TMEM100: variants seen among roughly 807,000 people sequenced by gnomAD.
The protein encoded by TMEM100 is transmembrane protein 100.
For missense variants in TMEM100, 137 were observed against 168.2 expected, an observed-to-expected ratio of 0.81 and a Z score of 1.02; for synonymous variants, 61 against 67.1, an observed-to-expected ratio of 0.91 and a Z score of 0.44.
At chr17:55,726,685 T>C (rs533507632), upstream of TMEM100, among the ~76,000 whole-genome samples, 1 of 152,290 alleles carries the variant, frequency 6.6e-6, no homozygotes, top group East Asian at 1.9e-4. Flanking sequence ...CCAGTCCAAT[T>C]GGATGCAGGG....
Position 55,720,824 on chromosome 17 carries a change from A to G in TMEM100, c.247T>C (p.Ser83Pro). ...ACCAGGCCAAAGATGGAGATAATAG[A>G]CCCATGGGAATTGAAGCTGTAAGCC... The part of the protein sequence containing the change: ...AVAYSFNSHG[S>P]IISIFGLVVL... The change falls in exon 2 of 2, where the codon TCT becomes CCT. Residue 83 changes from serine to proline, a missense_variant. Physicochemically the swap from Ser to Pro is moderately conservative, Grantham distance 74. Transcript: ENST00000424486. 6.2e-7 allele frequency: 1 copy of G among 1,614,082 alleles called. No homozygotes were observed. The highest frequency in any genetic ancestry group is 8.5e-7 in the Non-Finnish European group (1 of 1,180,016).
chr17:55,727,822 A>T (rs1038313542), upstream of TMEM100: 21 of 152,332 alleles, frequency 1.4e-4, no homozygotes, highest in African/African-American at 5.1e-4. Context: ...GCCTTGTCTC[A>T]GTTAGGTAGC....
chr17:55,731,493 T>G (rs2144875535), intron 1 of TMEM100, among the ~76,000 whole-genome samples: 1 of 152,310 alleles, frequency 6.6e-6, no homozygotes, highest in South Asian at 2.1e-4. Context: ...CTGTAGATAC[T>G]TCATTATTCT....
rs187541968 is a variant in TMEM100 at position 55,729,821 on chromosome 17, A to G, written c.-358-1839T>C. Among the ~76,000 whole-genome samples, 46 of 152,330 alleles carry G rather than the reference A, an allele frequency of 3.0e-4. 1 individual carries two copies. In the South Asian group the frequency reaches 3.3e-3, roughly 11 times the overall value. ...TTTTAAATTGCTTGAAAATAAGAAC[A>G]TAACTATGCAATTCTTTTTTACAGT... On this transcript the variant is annotated intron_variant, in intron 1 of 3. Coordinates refer to the TMEM100 transcript ENST00000575734.
exon 1 of TMEM100, chr17:55,731,841 A>G (rs930862631): frequency 6.6e-6 from 1 of 152,242 alleles, no homozygotes; most frequent in Non-Finnish European, 1.5e-5. Context: ...AGTAAGGAGC[A>G]TGGGGTGTCC....
intron 1 of TMEM100, among the ~76,000 whole-genome samples, chr17:55,728,893 G>A (rs555453769): frequency 4.4e-4 from 67 of 152,334 alleles, no homozygotes; most frequent in African/African-American, 1.6e-3. Flanking sequence ...ATGATTCTAG[G>A]TGGAAGAAAC....
chr17:55,726,187 C>T (rs1374793868), upstream of TMEM100, among the ~76,000 whole-genome samples: 2 of 152,124 alleles, frequency 1.3e-5, no homozygotes, highest in African/African-American at 4.8e-5. Flanking sequence ...TCCGAGGTGA[C>T]CTTCCACCAA....
rs1908839009 is a variant in TMEM100 at position 55,720,623 on chromosome 17, G to A, written c.*43C>T. ...GGGTGAATTGGGTGACAAAGTCAGA[G>A]CACGTTTTCCAGGCCCAATGGCCCA... On this transcript the variant is annotated 3_prime_UTR_variant, in exon 2 of 2. Coordinates refer to ENST00000424486, the MANE Select transcript of TMEM100 (RefSeq NM_018286.3). The A allele has an allele frequency of 6.5e-6, 10 of 1,548,534 alleles. No individual in the cohort carries two copies. In the South Asian group the frequency reaches 1.1e-4, roughly 18 times the overall value.
intron 1 of TMEM100, among the ~76,000 whole-genome samples, chr17:55,731,045 G>T (rs1909193617): frequency 6.6e-6 from 1 of 152,172 alleles, no homozygotes; most frequent in Non-Finnish European, 1.5e-5. Context: ...ACACAGAAGG[G>T]CACCGAGTCT....
In TMEM100 at chr17:55,727,983, C is replaced by T. The variant is rs1345153988; in HGVS notation, c.-358-1G>A. ...TTTCACAAGTCACTTTTTAATTTTG[C>T]TGAGAAAGAAATGGGGAGGGAAAAA... On this transcript the variant is annotated splice_acceptor_variant, in intron 1 of 3. Coordinates refer to the TMEM100 transcript ENST00000575734. LOFTEE classifies it low-confidence loss of function (5UTR_SPLICE). The T allele has an allele frequency of 1.3e-5, 2 of 152,106 alleles. No homozygotes were observed. The highest frequency in any genetic ancestry group is 2.9e-5 in the Non-Finnish European group (2 of 68,030). The allele number at this position is 152,106 out of a possible 1,614,324, so 9.4% of individuals were successfully genotyped here.
rs1908801755 is a variant in TMEM100 at position 55,719,800 on chromosome 17, A to G, written c.*866T>C. The stretch of plus-strand genomic sequence containing the variant: ...AAAAACAAAAATCCTCCAGTAAAGA[A>G]GGAACCTGTCCATTTGAGAGAAATA... On this transcript the variant is annotated 3_prime_UTR_variant, in exon 2 of 2. Transcript: ENST00000424486. 6.6e-6 allele frequency: 1 copy of G among 152,640 alleles called. No homozygotes were observed. Among genetic ancestry groups the G allele is most frequent in the Non-Finnish European group, 1.5e-5 (1 of 68,040 alleles). 9.5% of individuals were successfully genotyped at this position (152,640 alleles called of 1,614,324 possible). A position where few individuals can be genotyped will look rare whatever the true frequency, so the allele number is the denominator to read the frequency against.
upstream of TMEM100, among the ~76,000 whole-genome samples, chr17:55,726,027 A>T (rs1909063069): frequency 6.6e-6 from 1 of 152,160 alleles, no homozygotes; most frequent in Non-Finnish European, 1.5e-5. Flanking sequence ...TAATAAAAGG[A>T]GTACAAGGAA....
chr17:55,726,156 G>A (rs1470524084), upstream of TMEM100, among the ~76,000 whole-genome samples: 5 of 152,136 alleles, frequency 3.3e-5, no homozygotes, highest in South Asian at 1.0e-3. Context: ...TAGAAATTAT[G>A]TTATACTGAA....
At chr17:55,726,321 G>A (rs1466174464), upstream of TMEM100, among the ~76,000 whole-genome samples, 2 of 152,094 alleles carry the variant, frequency 1.3e-5, no homozygotes, top group African/African-American at 4.8e-5. Context: ...GGGGAGAGGG[G>A]TCTGGGAGTG....
At chr17:55,723,384 A>T (rs903998325), upstream of TMEM100, among the ~76,000 whole-genome samples, 2 of 152,148 alleles carry the variant, frequency 1.3e-5, no homozygotes, top group Non-Finnish European at 2.9e-5. Flanking sequence ...TTCATTTAGG[A>T]ATGAGGGTGG....
chr17:55,727,607 A>G (rs994640486), upstream of TMEM100, among the ~76,000 whole-genome samples: 2 of 152,218 alleles, frequency 1.3e-5, no homozygotes, highest in Non-Finnish European at 2.9e-5. Flanking sequence ...AAAATTATGT[A>G]CATAAACATT....
chr17:55,722,375 T>C (rs1339648823), intron 1 of TMEM100, among the ~76,000 whole-genome samples: 1 of 152,260 alleles, frequency 6.6e-6, no homozygotes, highest in Non-Finnish European at 1.5e-5. Context: ...TCACTGGTTC[T>C]TCCCTGCTCT....
Position 55,720,027 on chromosome 17 carries a change from G to A in TMEM100, c.*639C>T, listed in dbSNP as rs1264026498. ...TTTACTATTAATTTAACCCCCAACA[G>A]CATCTATTAGCTATAACTTTAATGG... On this transcript the variant is annotated 3_prime_UTR_variant, in exon 2 of 2. Transcript: ENST00000424486. 2 of 152,536 alleles carry A rather than the reference G, an allele frequency of 1.3e-5. No individual in the cohort carries two copies. Among genetic ancestry groups the A allele is most frequent in the African/African-American group, 2.4e-5 (1 of 41,422 alleles). 9.4% of individuals were successfully genotyped at this position (152,536 alleles called of 1,614,324 possible).
rs1299852938 is a variant in TMEM100, at chr17:55,731,737, C to A, written c.-425G>T. 3 of 152,332 alleles carry A rather than the reference C, an allele frequency of 2.0e-5. No individual in the cohort carries two copies. In the East Asian group the frequency reaches 5.8e-4, roughly 29 times the overall value. 9.4% of individuals were successfully genotyped at this position (152,332 alleles called of 1,614,324 possible). A position where few individuals can be genotyped will look rare whatever the true frequency, so the allele number is the denominator to read the frequency against. On this transcript the variant is annotated 5_prime_UTR_variant, in exon 1 of 4. Transcript: ENST00000575734. ...CACAGGCGTCTGGCTCGGGGACTGACTGCAGCACAAAGGTTTTCTTCAGTC... is the reference window on the plus strand; with the variant it reads ...CACAGGCGTCTGGCTCGGGGACTGAATGCAGCACAAAGGTTTTCTTCAGTC...
Sources: allele counts gnomAD v4.1 joint callset (sites outside exome capture counted in the v4.1 genomes callset), GRCh38; gene constraint gnomAD v4.1.1; transcripts MANE v1.5; gene names NCBI Gene and HGNC (gene_info 2026-07-23, HGNC 2026-07-21).